CTBP2: variants seen among roughly 807,000 people sequenced by gnomAD.
CTBP2 encodes C-terminal-binding protein 2.
Under a neutral mutation model 80.3 loss-of-function variants are expected in CTBP2, and 30 were observed. The observed-to-expected ratio is 0.37, with a 90% CI of 0.28 to 0.51. CTBP2 has a LOEUF of 0.51. Ranked by LOEUF, CTBP2 falls within the 20% of genes least tolerant of loss-of-function variation. CTBP2 has a pLI of 0.93. For missense variants in CTBP2, 1,212 were observed against 1,375.3 expected (o/e 0.88, Z 1.88); for synonymous variants, 594 against 587.4 (o/e 1.01, Z -0.16).
intron 2 of CTBP2, among the ~76,000 whole-genome samples, chr10:125,103,583 G>A (rs1262186473): frequency 7.2e-5 from 11 of 152,144 alleles, no homozygotes; most frequent in Non-Finnish European, 1.6e-4. Flanking sequence ...GAGCCCAAAT[G>A]CTCACAGGAA....
chr10:125,002,919 C>T (rs774960418), intron 3 of CTBP2, 41 bp downstream of exon 5: 7 of 1,607,078 alleles, frequency 4.4e-6, no homozygotes, highest in Non-Finnish European at 5.9e-6. Flanking sequence ...GCCCACAGAG[C>T]TCCGGACAAC....
chr10:125,005,438 C>G lies in CTBP2; in HGVS notation c.1679-1946G>C, dbSNP rs1955108106. The G allele has an allele frequency of 5.4e-6, 6 of 1,112,892 alleles. No individual in the cohort carries two copies. In the East Asian group the frequency reaches 1.6e-4, roughly 29 times the overall value. 68.9% of individuals were successfully genotyped at this position (1,112,892 alleles called of 1,614,324 possible). A position where few individuals can be genotyped will look rare whatever the true frequency, so the allele number is the denominator to read the frequency against. Reference sequence around the variant, plus strand: ...CTGCCCCGACACCCAGGTCCCCAAACAGGGTGTCCGCATGGATCCGCACTC... The same window carrying G: ...CTGCCCCGACACCCAGGTCCCCAAAGAGGGTGTCCGCATGGATCCGCACTC... On this transcript the variant is annotated intron_variant, in intron 1 of 8. Transcript: ENST00000309035.
At chr10:125,036,358 G>C (rs4962421) in intron 3 of CTBP2, among the ~76,000 whole-genome samples, 2 of 152,018 alleles carry the variant, frequency 1.3e-5, no homozygotes, top group Non-Finnish European at 2.9e-5. Context: ...CTTGATGTTG[G>C]CATTGTGTAG....
At chr10:125,160,388 GC>G in exon 1 of CTBP2, 1 of 141,900 alleles carries the variant, frequency 7.0e-6, no homozygotes, top group Non-Finnish European at 1.5e-5. Flanking sequence ...GGCGTCTCCC[GC>G]CCCTCCCACC....
At chr10:125,160,355 C>G (rs1352245705) in exon 1 of CTBP2, 1 of 153,814 alleles carries the variant, frequency 6.5e-6, no homozygotes, top group Non-Finnish European at 1.4e-5. Flanking sequence ...GCGAAAGGCG[C>G]CCACCCTGGA....
chr10:125,105,959 C>T (rs1291517904), intron 2 of CTBP2, among the ~76,000 whole-genome samples: 1 of 152,192 alleles, frequency 6.6e-6, no homozygotes, highest in East Asian at 1.9e-4. Flanking sequence ...GGCTCTGGCC[C>T]TGCCGCTCAC....
chr10:125,149,674 G>A (rs978247148), intron 1 of CTBP2, among the ~76,000 whole-genome samples: 21 of 152,316 alleles, frequency 1.4e-4, no homozygotes, highest in African/African-American at 5.1e-4. Flanking sequence ...AAGAAGAGAA[G>A]GGTTGTAGAA....
At chr10:125,040,454 TA>T (rs747855375) in intron 2 of CTBP2, among the ~76,000 whole-genome samples, 184 of 104,428 alleles carry the variant, frequency 1.8e-3, no homozygotes, top group Middle Eastern at 6.0e-3. Context: ...ACTCTGTCTT[TA>T]AAAAAAAAAA....
In CTBP2 at chr10:125,150,576, C is replaced by T. The variant is rs986213535; in HGVS notation, c.-206+9743G>A. ...CAGAGCCAGGCGAAGTTGGTAGTAA[C>T]TAGCCAGACTTAATTACCTAAGCTC... is the stretch of plus-strand genomic sequence containing the variant. On this transcript the variant is annotated intron_variant, in intron 1 of 10. Transcript: ENST00000337195. Among the ~76,000 whole-genome samples, 43 of 152,012 alleles carry T rather than the reference C, an allele frequency of 2.8e-4. 1 individual carries two copies. Among genetic ancestry groups the T allele is most frequent in the African/African-American group, 1.0e-3 (43 of 41,420 alleles).
intron 2 of CTBP2, among the ~76,000 whole-genome samples, chr10:125,069,894 C>CA (rs1207090581): frequency 8.4e-5 from 11 of 130,944 alleles, no homozygotes; most frequent in South Asian, 5.6e-4. Context: ...CCCTCCCCCC[C>CA]CCACACAAAC....
chr10:125,120,477 C>A (rs1854131378), intron 1 of CTBP2, among the ~76,000 whole-genome samples: 1 of 152,188 alleles, frequency 6.6e-6, no homozygotes, highest in Non-Finnish European at 1.5e-5. Context: ...ACTTGCACCT[C>A]CCAGGTTCAA....
At chr10:125,139,374 CAAAAAAA>C (rs33963277) in intron 1 of CTBP2, among the ~76,000 whole-genome samples, 1 of 96,220 alleles carries the variant, frequency 1.0e-5, no homozygotes, top group African/African-American at 3.7e-5. Flanking sequence ...TAGACTGTCT[CAAAAAAA>C]AAAAAAAAAA....
chr10:125,112,439 T>C (rs555319829), intron 1 of CTBP2, among the ~76,000 whole-genome samples: 1 of 147,394 alleles, frequency 6.8e-6, no homozygotes, highest in Admixed American at 6.7e-5. Context: ...CGTTTTTTTT[T>C]TTTTTTTGAG....
chr10:125,005,394 C>CT (rs1325702537), intron 1 of CTBP2, among the ~76,000 whole-genome samples: 1 of 152,178 alleles, frequency 6.6e-6, no homozygotes, highest in African/African-American at 2.4e-5. Context: ...GGCACACGTG[C>CT]ACCCAGTCAC....
intron 1 of CTBP2, among the ~76,000 whole-genome samples, chr10:125,152,228 C>T (rs1323495923): frequency 6.6e-6 from 1 of 152,072 alleles, no homozygotes; most frequent in Admixed American, 6.5e-5. Flanking sequence ...AGCCAGGAAC[C>T]CCGGGACCCC....
In CTBP2 at chr10:125,026,855, AG is replaced by A. The variant is rs767417830; in HGVS notation, c.904del (p.Leu302TrpfsTer41). 1 of 1,613,610 alleles carries A rather than the reference AG, an allele frequency of 6.2e-7. No homozygotes were observed. Among genetic ancestry groups the A allele is most frequent in the Non-Finnish European group, 8.5e-7 (1 of 1,180,006 alleles). ...TAGGGCTCCCAGCGTGGCCTCTGCC[AG>A]CCCCTCCGCCCGCAGAAAGGCCAGG... is the stretch of plus-strand genomic sequence containing the variant. On this transcript the variant is annotated frameshift_variant, in exon 1 of 9. Coordinates refer to ENST00000309035, the MANE Select transcript of CTBP2 (RefSeq NM_022802.3). LOFTEE classifies it high-confidence loss of function.
intron 1 of CTBP2, among the ~76,000 whole-genome samples, chr10:125,005,337 C>T (rs2134310214): frequency 6.6e-6 from 1 of 152,290 alleles, no homozygotes; most frequent in Non-Finnish European, 1.5e-5. Flanking sequence ...AAATCATGGC[C>T]CCTCTCAGCC....
chr10:124,984,489 C>G lies in CTBP2; in HGVS notation c.*5029G>C. 1 of 344,120 alleles carries G rather than the reference C, an allele frequency of 2.9e-6. No homozygotes were observed. Among genetic ancestry groups the G allele is most frequent in the South Asian group, 7.3e-5 (1 of 13,680 alleles). 21.3% of individuals were successfully genotyped at this position (344,120 alleles called of 1,614,324 possible). A position where few individuals can be genotyped will look rare whatever the true frequency, so the allele number is the denominator to read the frequency against. ...GTTTGAAGCTGTGGCTTGCCAGGAT[C>G]AGTTTATTAGGACATTTGTTTTTTA... is the stretch of plus-strand genomic sequence containing the variant. On this transcript the variant is annotated 3_prime_UTR_variant, in exon 9 of 9. Transcript: ENST00000309035.
chr10:125,014,635 C>A (rs781642989), intron 1 of CTBP2, among the ~76,000 whole-genome samples: 1 of 152,262 alleles, frequency 6.6e-6, no homozygotes, highest in Non-Finnish European at 1.5e-5. Context: ...GCCTCAGATG[C>A]CTGAGCCCGT....
Sources: allele counts gnomAD v4.1 joint callset (sites outside exome capture counted in the v4.1 genomes callset), GRCh38; gene constraint gnomAD v4.1.1; transcripts MANE v1.5; gene names NCBI Gene and HGNC (gene_info 2026-07-23, HGNC 2026-07-21).